ELP3: variants seen among roughly 807,000 people sequenced by gnomAD.
The protein encoded by ELP3 is elongator complex protein 3.
ELP3 carries 56 observed loss-of-function variants against 74.9 expected under a neutral mutation model. The ratio of observed to expected loss-of-function variants is 0.75; its 90% CI spans 0.60 to 0.93. ELP3 has a LOEUF of 0.93. ELP3 is among the 40% of genes least tolerant of loss of function. The pLI is 0.00. For missense variants in ELP3, 573 were observed against 686.5 expected (o/e 0.83, Z 1.85); for synonymous variants, 222 against 239.8 (o/e 0.93, Z 0.68).
intron 14 of ELP3, among the ~76,000 whole-genome samples, chr8:28,177,855 A>G (rs1317939376): frequency 6.6e-6 from 1 of 152,236 alleles, no homozygotes; most frequent in East Asian, 1.9e-4. Flanking sequence ...GGCTCCTAGT[A>G]CATACTGAGC....
intron 4 of ELP3, 123 bp from the exon 5 acceptor site, chr8:28,107,790 T>G: frequency 2.9e-6 from 2 of 688,286 alleles, no homozygotes; most frequent in Non-Finnish European, 5.1e-6. Context: ...TAGATTCTTC[T>G]GTTAGGATTT....
chr8:28,160,506 G>T (rs1378242438), intron 13 of ELP3, 50 bp downstream of exon 13: 1 of 1,497,262 alleles, frequency 6.7e-7, no homozygotes, highest in African/African-American at 1.4e-5. Flanking sequence ...GCCTAAGTAG[G>T]AAAAGAGAAA....
intron 7 of ELP3, among the ~76,000 whole-genome samples, chr8:28,121,099 A>T (rs948930833): frequency 1.1e-4 from 17 of 152,312 alleles, no homozygotes; most frequent in Non-Finnish European, 1.8e-4. Context: ...ATTGTGTTAA[A>T]ACTATAGAAC....
intron 3 of ELP3, among the ~76,000 whole-genome samples, chr8:28,103,274 T>C (rs1218697710): frequency 6.6e-6 from 1 of 152,248 alleles, no homozygotes; most frequent in Non-Finnish European, 1.5e-5. Context: ...TTTTATTGTC[T>C]TTAATAAAGT....
intron 14 of ELP3, among the ~76,000 whole-genome samples, chr8:28,171,709 T>C (rs2130580922): frequency 6.6e-6 from 1 of 152,298 alleles, no homozygotes; most frequent in East Asian, 1.9e-4. Flanking sequence ...TTTGGTATTA[T>C]ATTTAAGAAA....
chr8:28,102,818 C>T (rs974439082), intron 3 of ELP3, among the ~76,000 whole-genome samples: 13 of 152,172 alleles, frequency 8.5e-5, no homozygotes, highest in African/African-American at 3.1e-4. Flanking sequence ...TTTGCCAATG[C>T]ATAATGTCAT....
intron 6 of ELP3, among the ~76,000 whole-genome samples, chr8:28,111,488 CTGGGTTTGTTTAT>C (rs997315678): frequency 6.6e-5 from 10 of 152,126 alleles, no homozygotes; most frequent in African/African-American, 2.4e-4. Context: ...TAAGTTGTCT[CTGGGTTTGTTTAT>C]TGGCTTATTG....
chr8:28,158,283 A>G (rs530150414), intron 11 of ELP3, among the ~76,000 whole-genome samples: 4 of 152,252 alleles, frequency 2.6e-5, no homozygotes, highest in South Asian at 2.1e-4. Flanking sequence ...TACTGCTAAG[A>G]TTATATTATA....
At chr8:28,170,889 C>T (rs1389433048) in intron 14 of ELP3, among the ~76,000 whole-genome samples, 4 of 152,194 alleles carry the variant, frequency 2.6e-5, no homozygotes, top group Admixed American at 6.5e-5. Flanking sequence ...CCCAGTTCCC[C>T]GCACAGTCCT....
intron 7 of ELP3, 33 bp downstream of exon 7, chr8:28,113,206 A>G: frequency 6.3e-7 from 1 of 1,588,922 alleles, no homozygotes; most frequent in Non-Finnish European, 8.6e-7. Flanking sequence ...TAGTCTCCAG[A>G]GTGGTTGTCA....
chr8:28,131,686 A>G (rs1812791016), intron 8 of ELP3, among the ~76,000 whole-genome samples: 1 of 152,142 alleles, frequency 6.6e-6, no homozygotes, highest in Non-Finnish European at 1.5e-5. Flanking sequence ...CCAAGTTAAG[A>G]TGATTTATCC....
intron 13 of ELP3, among the ~76,000 whole-genome samples, chr8:28,161,496 C>T (rs540026162): frequency 2.0e-4 from 31 of 152,008 alleles, no homozygotes; most frequent in South Asian, 4.2e-4. Context: ...ATCACTTGAG[C>T]CTGGGAGGCG....
At chr8:28,096,179 T>A (rs552750954) in intron 1 of ELP3, among the ~76,000 whole-genome samples, 2 of 152,314 alleles carry the variant, frequency 1.3e-5, no homozygotes, top group East Asian at 3.9e-4. Flanking sequence ...CACCCCCAGA[T>A]GGGAGTGTCT....
intron 1 of ELP3, among the ~76,000 whole-genome samples, chr8:28,095,479 C>G (rs1431503512): frequency 6.6e-6 from 1 of 152,216 alleles, no homozygotes; most frequent in Admixed American, 6.5e-5. Flanking sequence ...ACCACCAGTC[C>G]TACCTCTGTT....
intron 12 of ELP3, among the ~76,000 whole-genome samples, chr8:28,159,252 T>C (rs899990888): frequency 2.6e-5 from 4 of 152,224 alleles, no homozygotes; most frequent in Non-Finnish European, 4.4e-5. Flanking sequence ...TTGATTCTCT[T>C]GTGGAACCCC....
intron 14 of ELP3, among the ~76,000 whole-genome samples, chr8:28,166,511 G>T (rs375744641): frequency 6.6e-6 from 1 of 152,118 alleles, no homozygotes; most frequent in Non-Finnish European, 1.5e-5. Context: ...ATCAACACAC[G>T]TCTGTTCAAG....
At chr8:28,178,329 G>C (rs1017796114) in intron 14 of ELP3, among the ~76,000 whole-genome samples, 1 of 152,142 alleles carries the variant, frequency 6.6e-6, no homozygotes, top group Non-Finnish European at 1.5e-5. Flanking sequence ...TCAATAACCA[G>C]CATCCAAGAA....
chr8:28,097,546 G>A (rs930703385), intron 2 of ELP3, among the ~76,000 whole-genome samples: 4 of 151,304 alleles, frequency 2.6e-5, no homozygotes, highest in Non-Finnish European at 4.4e-5. Context: ...ACAGGCGCCC[G>A]CCACCACGCC....
Position 28,137,896 on chromosome 8 carries a change from T to C in ELP3, c.1100+5T>C, listed in dbSNP as rs754840158. 6.4e-7 allele frequency: 1 copy of C among 1,573,936 alleles called. No individual in the cohort carries two copies. On this transcript the variant is annotated splice_donor_5th_base_variant and intron_variant, in intron 10 of 14. Transcript: ENST00000256398. ...TCGAGTGTACCGAGTACAGAGGTAG[T>C]GTGTTATCTTTTATTCCTAAAATAG...
Sources: gnomAD v4.1 joint callset for allele counts (sites outside exome capture counted in the v4.1 genomes callset) on GRCh38, gnomAD v4.1.1 for gene constraint, MANE v1.5 for transcripts, NCBI Gene and HGNC (gene_info 2026-07-23, HGNC 2026-07-21) for gene names.